Variants in TBL1X observed in about 807,000 individuals in gnomAD.
TBL1X encodes the protein transducin beta like 1 X-linked.
TBL1X carries 10 observed loss-of-function variants against 50.7 expected under a neutral mutation model. That is an observed-to-expected ratio of 0.20 (90% CI 0.12 to 0.33). The LOEUF is 0.33. Ranked by LOEUF, TBL1X falls within the 10% of genes least tolerant of loss-of-function variation. The pLI, the probability that TBL1X is intolerant of heterozygous loss-of-function variation, is 1.00. For synonymous variants in TBL1X, 190 were observed against 214.7 expected (o/e 0.88, Z 1.01); for missense variants, 340 against 504.4 (o/e 0.67, Z 3.12).
At chrX:9,668,776 C>A (rs981748804) in intron 5 of TBL1X, among the ~76,000 whole-genome samples, 7 of 111,675 alleles carry the variant, frequency 6.3e-5, no homozygotes, top group African/African-American at 1.6e-4. Flanking sequence ...CCAACAAAAG[C>A]CCCTCAGGAA....
chrX:9,709,799 C>A lies in TBL1X; in HGVS notation c.1439+39C>A, dbSNP rs553577901. The A allele has an allele frequency of 2.5e-6, 3 of 1,196,098 alleles. No individual in the cohort carries two copies. In the East Asian group the frequency reaches 9.0e-5, roughly 36 times the overall value. Reference sequence around the variant, plus strand: ...ACACAGCTGGCACAGCTCGGTGTTACACAAAGACAACAGGAAATTCTGCTA... The same window carrying A: ...ACACAGCTGGCACAGCTCGGTGTTAAACAAAGACAACAGGAAATTCTGCTA... On this transcript the variant is annotated intron_variant, in intron 15 of 17. Coordinates refer to ENST00000645353, the MANE Select transcript of TBL1X (RefSeq NM_005647.4).
chrX:9,564,160 C>A (rs1251055094), intron 2 of TBL1X, among the ~76,000 whole-genome samples: 3 of 112,435 alleles, frequency 2.7e-5, no homozygotes, highest in Admixed American at 9.4e-5. Context: ...TGGCTCATGC[C>A]TGTAATCCCA....
intron 5 of TBL1X, among the ~76,000 whole-genome samples, chrX:9,673,491 T>C (rs1288720345): frequency 8.9e-6 from 1 of 111,997 alleles, no homozygotes; most frequent in African/African-American, 3.2e-5. Flanking sequence ...CCCAAGGTAC[T>C]GAGAAGGTCC....
chrX:9,716,158 T>A, intron 17 of TBL1X, 62 bp from the exon 18 acceptor site: 1 of 1,171,010 alleles, frequency 8.5e-7, no homozygotes, highest in South Asian at 1.8e-5. Context: ...TGCCGACTTC[T>A]CACTCTAAAG....
chrX:9,691,167 G>C (rs1361300903), intron 7 of TBL1X, among the ~76,000 whole-genome samples: 1 of 111,887 alleles, frequency 8.9e-6, no homozygotes, highest in African/African-American at 3.3e-5. Context: ...CGGGCGTGGT[G>C]GCTCACGCCT....
intron 2 of TBL1X, among the ~76,000 whole-genome samples, chrX:9,510,909 C>T (rs2082052328): frequency 9.0e-6 from 1 of 111,637 alleles, no homozygotes; most frequent in African/African-American, 3.3e-5. Flanking sequence ...TGAACCAGTT[C>T]CTTAGAATCT....
chrX:9,642,540 G>A (rs2082781151), intron 3 of TBL1X, among the ~76,000 whole-genome samples: 1 of 111,485 alleles, frequency 9.0e-6, no homozygotes, highest in Non-Finnish European at 1.9e-5. Flanking sequence ...AAAGGGGTTG[G>A]TATGGTTATG....
At chrX:9,600,479 G>GTT (rs1284820310) in intron 2 of TBL1X, among the ~76,000 whole-genome samples, 1 of 80,980 alleles carries the variant, frequency 1.2e-5, no homozygotes, top group Non-Finnish European at 2.5e-5. Flanking sequence ...CGGGGGGGGG[G>GTT]GTACACAAAT....
intron 2 of TBL1X, among the ~76,000 whole-genome samples, chrX:9,508,210 T>C (rs2082035813): frequency 8.9e-6 from 1 of 112,122 alleles, no homozygotes; most frequent in Non-Finnish European, 1.9e-5. Flanking sequence ...AAAGGTCTAA[T>C]ATCCAGAATT....
chrX:9,631,849 C>T (rs1358473191), intron 2 of TBL1X, among the ~76,000 whole-genome samples: 1 of 112,387 alleles, frequency 8.9e-6, no homozygotes, highest in African/African-American at 3.2e-5. Flanking sequence ...GTTTTTCTTC[C>T]CCTTCATGGA....
intron 14 of TBL1X, 133 bp from the exon 15 acceptor site, chrX:9,709,489 CGCAGCCTCCCT>C (rs1569107029): frequency 2.0e-6 from 2 of 992,493 alleles, no homozygotes; most frequent in Non-Finnish European, 2.8e-6. Flanking sequence ...CACTGAGAAT[CGCAGCCTCCCT>C]GCAGCCTTTC....
chrX:9,582,003 C>T (rs1276571348), intron 2 of TBL1X, among the ~76,000 whole-genome samples: 1 of 112,099 alleles, frequency 8.9e-6, no homozygotes, highest in East Asian at 2.8e-4. Flanking sequence ...ACAGTGTTCC[C>T]TGAGGAAGCA....
intron 2 of TBL1X, among the ~76,000 whole-genome samples, chrX:9,554,324 C>T (rs867562658): frequency 1.2e-4 from 14 of 112,428 alleles, no homozygotes; most frequent in Admixed American, 5.7e-4. Context: ...TTATTAACTC[C>T]GAATAAGCAG....
At position 9,678,776 on chromosome X, in the gene TBL1X, G is replaced by A. The variant is rs956739725; in HGVS notation, c.212-5267G>A. Among the ~76,000 whole-genome samples, 3 of 112,229 alleles carry A rather than the reference G, an allele frequency of 2.7e-5. No individual in the cohort carries two copies. In the South Asian group the frequency reaches 1.1e-3, roughly 42 times the overall value. On this transcript the variant is annotated intron_variant, in intron 5 of 17. Transcript: ENST00000645353. The stretch of plus-strand genomic sequence containing the variant: ...AGTAGTACACTGTATAACTCAAATG[G>A]TTTGTGAAGTCATTTGTGAGGGGTG...
At chrX:9,713,426 C>CTTT (rs1159464236) in intron 16 of TBL1X, among the ~76,000 whole-genome samples, 4 of 78,502 alleles carry the variant, frequency 5.1e-5, no homozygotes, top group Admixed American at 1.6e-4. Context: ...TAGGACTTTT[C>CTTT]TTTTTTTTTT....
chrX:9,592,908 G>A, intron 2 of TBL1X, among the ~76,000 whole-genome samples: 1 of 111,900 alleles, frequency 8.9e-6, no homozygotes, highest in Non-Finnish European at 1.9e-5. Context: ...AAAGGCCACA[G>A]TGCCCATGGG....
chrX:9,503,658 T>G (rs2082012305), intron 2 of TBL1X, among the ~76,000 whole-genome samples: 1 of 113,262 alleles, frequency 8.8e-6, no homozygotes, highest in African/African-American at 3.2e-5. Flanking sequence ...GCTGTGGCAG[T>G]CTGCGGCTAG....
chrX:9,560,869 C>T (rs1227275818), intron 2 of TBL1X, among the ~76,000 whole-genome samples: 1 of 111,828 alleles, frequency 8.9e-6, no homozygotes, highest in Non-Finnish European at 1.9e-5. Context: ...CAGGTCCTCC[C>T]AACTCCTTCC....
In TBL1X at chrX:9,641,100, C is replaced by T. The variant is rs140424232; in HGVS notation, c.-43+740C>T. 4.0e-3 allele frequency among the ~76,000 whole-genome samples: 446 copies of T among 112,152 alleles called. 1 individual carries two copies. Among genetic ancestry groups the T allele is most frequent in the Non-Finnish European group, 7.2e-3 (384 of 53,215 alleles). On this transcript the variant is annotated intron_variant, in intron 3 of 17. Coordinates refer to ENST00000645353, the MANE Select transcript of TBL1X (RefSeq NM_005647.4). The stretch of plus-strand genomic sequence containing the variant: ...CATGAGTATAGATTTTATTTGGCTC[C>T]TATATCTTAATTCTATGCTTTATCA...
Sources: allele counts gnomAD v4.1 joint callset (sites outside exome capture counted in the v4.1 genomes callset), GRCh38; gene constraint gnomAD v4.1.1; transcripts MANE v1.5; gene names NCBI Gene and HGNC (gene_info 2026-07-23, HGNC 2026-07-21).